Variants in CYRIB observed in about 807,000 individuals in gnomAD.
CYRIB encodes CYFIP related Rac1 interactor B.
A neutral mutation model predicts 44.2 loss-of-function variants in CYRIB; 8 were observed. That is an observed-to-expected ratio of 0.18 (90% CI 0.11 to 0.33). The LOEUF (loss-of-function observed/expected upper bound fraction) is 0.33. Ranked by LOEUF, CYRIB falls within the 10% of genes least tolerant of loss-of-function variation. The probability of loss-of-function intolerance (pLI) is 1.00; values close to 1 mark genes in which losing one functional copy is unlikely to be tolerated. For missense variants in CYRIB, 185 were observed against 382.8 expected (o/e 0.48, Z 4.31); for synonymous variants, 131 against 127.2 (o/e 1.03, Z -0.20).
At chr8:129,895,275 G>A (rs1424272623) in intron 2 of CYRIB, among the ~76,000 whole-genome samples, 1 of 151,564 alleles carries the variant, frequency 6.6e-6, no homozygotes, top group Non-Finnish European at 1.5e-5. Context: ...AAAGTGCTGG[G>A]ATTACAGGCA....
chr8:130,006,620 A>G (rs1399332971), intron 1 of CYRIB, among the ~76,000 whole-genome samples: 2 of 91,430 alleles, frequency 2.2e-5, no homozygotes, highest in East Asian at 2.7e-4. Context: ...ATATATGTGT[A>G]TATATATACA....
At chr8:129,899,679 C>T (rs2070416690) in intron 2 of CYRIB, among the ~76,000 whole-genome samples, 1 of 152,046 alleles carries the variant, frequency 6.6e-6, no homozygotes, top group Non-Finnish European at 1.5e-5. Context: ...GTAAACTATG[C>T]CATACATATT....
intron 2 of CYRIB, chr8:129,949,420 A>G (rs1038467690): frequency 2.0e-5 from 3 of 152,230 alleles, no homozygotes; most frequent in Non-Finnish European, 4.4e-5. Context: ...GTACTTTGCC[A>G]TAGGTTACAT....
intron 1 of CYRIB, among the ~76,000 whole-genome samples, chr8:130,013,440 C>T (rs1413496723): frequency 7.9e-5 from 12 of 152,214 alleles, no homozygotes; most frequent in Non-Finnish European, 1.2e-4. Flanking sequence ...AAGAGGGGGC[C>T]GAGAGTGTAG....
At chr8:129,849,153 T>G in intron 10 of CYRIB, 90 bp downstream of exon 12, 1 of 1,244,334 alleles carries the variant, frequency 8.0e-7, no homozygotes, top group Non-Finnish European at 1.1e-6. Context: ...TTTGTGAGAG[T>G]CCGGTTTGCT....
intron 4 of CYRIB, chr8:129,864,870 A>T (rs1352800778): frequency 2.5e-5 from 10 of 402,736 alleles, no homozygotes; most frequent in Non-Finnish European, 4.3e-5. Context: ...TCAATTCCAT[A>T]AAGCTATAGA....
At chr8:130,014,351 G>C (rs535845961) in intron 1 of CYRIB, among the ~76,000 whole-genome samples, 1 of 152,282 alleles carries the variant, frequency 6.6e-6, no homozygotes, top group South Asian at 2.1e-4. Context: ...GATGGCTTGA[G>C]CCTGAGAGGT....
intron 1 of CYRIB, among the ~76,000 whole-genome samples, chr8:129,922,040 T>C (rs977338831): frequency 6.6e-6 from 1 of 152,140 alleles, no homozygotes; most frequent in Admixed American, 6.5e-5. Flanking sequence ...ACACTTGAAA[T>C]GGTTCACAGT....
At chr8:130,000,164 T>C (rs1012387813) in intron 1 of CYRIB, among the ~76,000 whole-genome samples, 1 of 152,090 alleles carries the variant, frequency 6.6e-6, no homozygotes, top group East Asian at 1.9e-4. Flanking sequence ...GACTTACTTA[T>C]CACTTCCTTT....
chr8:129,952,490 A>G (rs2131372526), intron 2 of CYRIB, among the ~76,000 whole-genome samples: 1 of 152,356 alleles, frequency 6.6e-6, no homozygotes, highest in Admixed American at 6.5e-5. Context: ...CCTATGGAGA[A>G]ATGGTAGAGA....
At chr8:129,904,175 G>A (rs2073959438) in intron 1 of CYRIB, among the ~76,000 whole-genome samples, 1 of 152,120 alleles carries the variant, frequency 6.6e-6, no homozygotes, top group African/African-American at 2.4e-5. Context: ...AGAAGGTATG[G>A]ATCACTCTAT....
chr8:129,903,620 T>C (rs1563681625), intron 1 of CYRIB, among the ~76,000 whole-genome samples: 2 of 151,978 alleles, frequency 1.3e-5, no homozygotes, highest in East Asian at 1.9e-4. Context: ...GAGTAAAAAG[T>C]GTACGAAGAC....
At chr8:129,889,602 T>TCAGATGTTGTTGATTCTAA (rs2064238838) in intron 2 of CYRIB, among the ~76,000 whole-genome samples, 1 of 152,096 alleles carries the variant, frequency 6.6e-6, no homozygotes, top group Non-Finnish European at 1.5e-5. Flanking sequence ...ATTCTAACTC[T>TCAGATGTTGTTGATTCTAA]CACAGATGAC....
intron 1 of CYRIB, among the ~76,000 whole-genome samples, chr8:130,010,013 A>ACCGCC (rs2097183799): frequency 6.6e-6 from 1 of 152,122 alleles, no homozygotes; most frequent in South Asian, 2.1e-4. Context: ...TCTTCCTCCT[A>ACCGCC]CCGCCCAAGC....
chr8:129,939,159 G>A (rs188619402), intron 1 of CYRIB, among the ~76,000 whole-genome samples: 14 of 152,240 alleles, frequency 9.2e-5, no homozygotes, highest in Non-Finnish European at 2.1e-4. Flanking sequence ...CGGGGGATAA[G>A]GGGGTGTGGA....
chr8:129,958,927 T>C (rs1481213354), intron 2 of CYRIB, among the ~76,000 whole-genome samples: 1 of 151,508 alleles, frequency 6.6e-6, no homozygotes, highest in Non-Finnish European at 1.5e-5. Flanking sequence ...TAGCCGGCTG[T>C]GATGGCGGGC....
At position 129,958,804 on chromosome 8, in the gene CYRIB, G is replaced by A. The variant is rs191181621; in HGVS notation, c.-243+12139C>T. Among the ~76,000 whole-genome samples, 1,333 of 150,402 alleles carry A rather than the reference G, an allele frequency of 8.9e-3. 10 individuals carry two copies. Among genetic ancestry groups the A allele is most frequent in the Middle Eastern group, 0.045 (13 of 286 alleles). On this transcript the variant is annotated intron_variant, in intron 2 of 14. Coordinates refer to the CYRIB transcript ENST00000401979. Reference sequence around the variant, plus strand: ...AAAGAGGCCGGGAGCAGTGGCTCACGCCTGTAATCCCAACACTTTGGGAGG... The same window carrying A: ...AAAGAGGCCGGGAGCAGTGGCTCACACCTGTAATCCCAACACTTTGGGAGG...
chr8:130,017,028 G>A (rs1191486532), upstream of CYRIB: 3 of 152,442 alleles, frequency 2.0e-5, no homozygotes, highest in Non-Finnish European at 4.4e-5. Flanking sequence ...CTGGACTTCA[G>A]GAATGGTGAC....
intron 1 of CYRIB, chr8:130,008,309 C>T (rs2097150357): frequency 6.5e-6 from 1 of 154,318 alleles, no homozygotes; most frequent in Non-Finnish European, 1.5e-5. Flanking sequence ...GCTCCACTCG[C>T]CACCATCAAC....
Sources: allele counts gnomAD v4.1 joint callset (sites outside exome capture counted in the v4.1 genomes callset), GRCh38; gene constraint gnomAD v4.1.1; transcripts MANE v1.5; gene names NCBI Gene and HGNC (gene_info 2026-07-23, HGNC 2026-07-21).